Variants in NLRP2 observed in about 807,000 individuals in gnomAD.
The protein encoded by NLRP2 is NACHT, LRR and PYD domains-containing protein 2.
In NLRP2, 107 loss-of-function variants were observed where a neutral mutation model predicts 97.2. That is an observed-to-expected ratio of 1.10 (90% CI 0.94 to 1.29). The LOEUF (loss-of-function observed/expected upper bound fraction) is 1.29, where lower values mean the gene tolerates loss of function less well. Among genes scored for constraint, NLRP2 ranks in the 50% most tolerant of loss-of-function variants. NLRP2 has a pLI of 0.00. For missense variants in NLRP2, 1,495 were observed against 1,330.3 expected, an observed-to-expected ratio of 1.12 and a Z score of -1.93; for synonymous variants, 663 against 551.5, an observed-to-expected ratio of 1.20 and a Z score of -2.83.
intron 4 of NLRP2, among the ~76,000 whole-genome samples, chr19:54,979,709 G>A (rs2071454447): frequency 6.6e-6 from 1 of 152,116 alleles, no homozygotes; most frequent in Non-Finnish European, 1.5e-5. Context: ...ATAGAGGTGA[G>A]TAACTTGGTT....
At position 54,982,836 on chromosome 19, in the gene NLRP2, C is replaced by A. The variant is rs189403101; in HGVS notation, c.1138C>A (p.Arg380Ser). The A allele has an allele frequency of 2.5e-6, 4 of 1,613,438 alleles. No homozygotes were observed. Among genetic ancestry groups the A allele is most frequent in the Middle Eastern group, 1.8e-4 (1 of 5,702 alleles). The change falls in exon 6 of 13, where the codon CGT becomes AGT. Residue 380 changes from arginine to serine, a missense_variant. Physicochemically the swap from Arg to Ser is moderately radical, Grantham distance 110. Transcript: ENST00000448584. Reference protein sequence around the residue: ...RHFGDEDQAMRAFELMRSNAA... With the variant: ...RHFGDEDQAMSAFELMRSNAA... The stretch of plus-strand genomic sequence containing the variant: ...CTTTGGAGACGAGGACCAAGCCATG[C>A]GTGCCTTTGAGCTAATGAGGAGCAA...
intron 8 of NLRP2, among the ~76,000 whole-genome samples, chr19:54,989,271 G>A (rs1297826515): frequency 2.0e-5 from 3 of 149,956 alleles, no homozygotes; most frequent in Admixed American, 1.3e-4. Context: ...AGGAGTTTGA[G>A]ACCAGCCTGG....
At chr19:54,983,775 C>T in intron 6 of NLRP2, 47 bp downstream of exon 6, 2 of 1,600,310 alleles carry the variant, frequency 1.2e-6, no homozygotes, top group Non-Finnish European at 1.7e-6. Context: ...TAGCCTCATC[C>T]CATGCCCCCT....
At chr19:54,993,972 T>A (rs951345331) in intron 10 of NLRP2, 11 of 499,908 alleles carry the variant, frequency 2.2e-5, no homozygotes, top group Admixed American at 1.7e-4. Flanking sequence ...GACTCTCAGC[T>A]CCCTCTTATG....
chr19:54,972,331 C>T (rs1294881972), intron 2 of NLRP2, among the ~76,000 whole-genome samples: 1 of 151,916 alleles, frequency 6.6e-6, no homozygotes, highest in African/African-American at 2.4e-5. Flanking sequence ...ATACAGGCAC[C>T]TGCCACTGTG....
At chr19:54,986,597 C>T (rs965677553) in intron 8 of NLRP2, among the ~76,000 whole-genome samples, 2 of 151,416 alleles carry the variant, frequency 1.3e-5, no homozygotes, top group Non-Finnish European at 2.9e-5. Flanking sequence ...GTTGCCCAGG[C>T]CAAAGTGCAA....
At chr19:54,977,145 CATTTTAA>C (rs570919726) in intron 3 of NLRP2, among the ~76,000 whole-genome samples, 70 of 152,136 alleles carry the variant, frequency 4.6e-4, no homozygotes, top group African/African-American at 1.6e-3. Context: ...TTTCCCAGTT[CATTTTAA>C]ATTTATCTAC....
chr19:54,992,403 T>G (rs2072531688), intron 10 of NLRP2, among the ~76,000 whole-genome samples: 1 of 151,656 alleles, frequency 6.6e-6, no homozygotes, highest in South Asian at 2.1e-4. Context: ...ACCCACTATA[T>G]CTAGGCCCTG....
chr19:54,989,378 G>A (rs903533817), intron 8 of NLRP2, among the ~76,000 whole-genome samples: 8 of 151,988 alleles, frequency 5.3e-5, no homozygotes, highest in African/African-American at 7.2e-5. Flanking sequence ...AGGCTGAGGC[G>A]GGAGAATCTC....
rs1372167232 is a variant in NLRP2, at chr19:54,985,152, T to G, written c.2136T>G (p.Ser712Arg). Residue 712 changes from serine (S) to arginine (R), a missense_variant, in exon 7 of 13, where the codon AGT (serine) becomes AGG (arginine). By Grantham distance (110) the Ser-to-Arg change is moderately radical (BLOSUM62 -1). Transcript: ENST00000448584. ...MGLAINDSFLSASLVRILCEQ... is the reference protein window; with the variant it reads ...MGLAINDSFLRASLVRILCEQ... ...TAGCAATCAATGATAGCTTTCTCAGTGCCTCCCTAGTAAGGATCCTGTGTG... is the reference window on the plus strand; with the variant it reads ...TAGCAATCAATGATAGCTTTCTCAGGGCCTCCCTAGTAAGGATCCTGTGTG... 1 of 1,614,022 alleles carries G rather than the reference T, an allele frequency of 6.2e-7. No homozygotes were observed. The highest frequency in any genetic ancestry group is 8.5e-7 in the Non-Finnish European group (1 of 1,180,010).
intron 10 of NLRP2, chr19:54,990,903 T>G (rs1326412786): frequency 1.7e-6 from 1 of 585,536 alleles, no homozygotes; most frequent in African/African-American, 1.9e-5. Flanking sequence ...TTTTCGGGTT[T>G]TTTTTTTCCT....
chr19:54,982,438 G>T lies in NLRP2; in HGVS notation c.740G>T (p.Cys247Phe). 3 of 1,614,178 alleles carry T rather than the reference G, an allele frequency of 1.9e-6. No individual in the cohort carries two copies. The highest frequency in any genetic ancestry group is 2.2e-5 in the South Asian group (2 of 91,082). ...TTCAAATATGCGTTCTACCTCAGCT[G>T]CAGGGAGCTCAGCCGCCTGGGCCCG... ...HKFKYAFYLS[C>F]RELSRLGPCS... Residue 247 changes from cysteine to phenylalanine, a missense_variant, in exon 6 of 13, where the codon TGC becomes TTC. Coordinates refer to ENST00000448584, the MANE Select transcript of NLRP2 (RefSeq NM_017852.5).
At chr19:54,970,498 T>C (rs748098697) in intron 2 of NLRP2, among the ~76,000 whole-genome samples, 7 of 151,868 alleles carry the variant, frequency 4.6e-5, no homozygotes, top group Middle Eastern at 3.2e-3. Flanking sequence ...CTACTAAAAA[T>C]ACAAAAATTT....
chr19:54,982,926 C>T lies in NLRP2; in HGVS notation c.1228C>T (p.Leu410=), dbSNP rs564099115. The T allele has an allele frequency of 2.5e-6, 4 of 1,613,054 alleles. No homozygotes were observed. In the African/African-American group the frequency reaches 5.3e-5, roughly 21 times the overall value. Residue 410 remains leucine, a synonymous_variant, in exon 6 of 13, where the codon CTG becomes TTG. Transcript: ENST00000448584. ...VCWIVCTTLK[L]QMEKGEDPVP... is the part of the protein sequence containing the mutation. ...CTGGATCGTGTGCACGACTCTGAAG[C>T]TGCAGATGGAGAAGGGGGAGGACCC...
intron 5 of NLRP2, 81 bp from the exon 6 acceptor site, chr19:54,982,081 A>G: frequency 1.3e-6 from 2 of 1,577,420 alleles, no homozygotes; most frequent in Middle Eastern, 2.1e-4. Context: ...CCCGGCCAAC[A>G]CAAGGCATTT....
intron 3 of NLRP2, among the ~76,000 whole-genome samples, chr19:54,976,539 G>T (rs941157489): frequency 6.6e-6 from 1 of 151,846 alleles, no homozygotes; most frequent in African/African-American, 2.4e-5. Context: ...TAGAGACAGG[G>T]TTTCACCATG....
rs2072430180 is a variant in NLRP2, at chr19:54,990,855, G to A, written c.2708+183G>A. 6.0e-6 allele frequency: 4 copies of A among 666,376 alleles called. No individual in the cohort carries two copies. The South Asian group carries it at 7.0e-5, about 12-fold the overall frequency. 41.3% of individuals were successfully genotyped at this position (666,376 alleles called of 1,614,324 possible). ...AAAAAGTATAAGTAGTAGTAGAGTAGTAGTAATATTCTATAGGGATTTGGG... is the reference window on the plus strand; with the variant it reads ...AAAAAGTATAAGTAGTAGTAGAGTAATAGTAATATTCTATAGGGATTTGGG... On this transcript the variant is annotated intron_variant, in intron 10 of 12. Coordinates refer to ENST00000448584, the MANE Select transcript of NLRP2 (RefSeq NM_017852.5).
chr19:54,994,573 C>G (rs1212206200), intron 11 of NLRP2, 134 bp downstream of exon 11: 50 of 920,786 alleles, frequency 5.4e-5, no homozygotes, highest in Non-Finnish European at 8.6e-5. Context: ...CGAGCATTTA[C>G]TAGGATGGTT....
intron 2 of NLRP2, chr19:54,974,240 G>C: frequency 1.7e-6 from 1 of 584,132 alleles, no homozygotes; most frequent in Non-Finnish European, 3.0e-6. Flanking sequence ...TATAGTCCCA[G>C]CTACTCAGGA....
Sources: allele counts gnomAD v4.1 joint callset (sites outside exome capture counted in the v4.1 genomes callset), GRCh38; gene constraint gnomAD v4.1.1; transcripts MANE v1.5; gene names NCBI Gene and HGNC (gene_info 2026-07-23, HGNC 2026-07-21).